LPGAT1: variants seen among roughly 807,000 people sequenced by gnomAD.
LPGAT1 encodes acyl-CoA:lysophosphatidylglycerol acyltransferase 1.
In LPGAT1, 11 loss-of-function variants were observed where a neutral mutation model predicts 47.5. The observed-to-expected ratio is 0.23, with a 90% CI of 0.15 to 0.38. The LOEUF (loss-of-function observed/expected upper bound fraction) is 0.38. Ranked by LOEUF, LPGAT1 falls within the 10% of genes least tolerant of loss-of-function variation. The pLI, the probability that LPGAT1 is intolerant of heterozygous loss-of-function variation, is 1.00. For missense variants in LPGAT1, 293 were observed against 439.0 expected, an observed-to-expected ratio of 0.67 and a Z score of 2.97; for synonymous variants, 138 against 144.2, an observed-to-expected ratio of 0.96 and a Z score of 0.31.
At chr1:211,751,188 G>T in intron 6 of LPGAT1, 121 bp from the exon 7 acceptor site, 2 of 654,514 alleles carry the variant, frequency 3.1e-6, no homozygotes, top group South Asian at 2.3e-5. Context: ...CTTTAACAAG[G>T]GTTGGTTTCT....
chr1:211,787,478 ACT>A (rs1420112161), intron 4 of LPGAT1, among the ~76,000 whole-genome samples, 152 bp downstream of exon 4: 3 of 137,112 alleles, frequency 2.2e-5, no homozygotes, highest in African/African-American at 8.4e-5. Flanking sequence ...ACAGAGCGAG[ACT>A]CTGTCTCTCA....
chr1:211,823,705 A>G (rs1660441551), intron 2 of LPGAT1, among the ~76,000 whole-genome samples: 1 of 152,162 alleles, frequency 6.6e-6, no homozygotes, highest in Admixed American at 6.5e-5. Flanking sequence ...TCAGAGGTCA[A>G]GGAAGGAGGA....
At chr1:211,829,452 C>T in intron 1 of LPGAT1, 129 bp from the exon 2 acceptor site, 1 of 1,453,188 alleles carries the variant, frequency 6.9e-7, no homozygotes, top group Non-Finnish European at 9.0e-7. Context: ...TGTAGTACCT[C>T]GGTGATCTCT....
At chr1:211,759,132 A>G (rs779239400) in intron 6 of LPGAT1, among the ~76,000 whole-genome samples, 17 of 152,216 alleles carry the variant, frequency 1.1e-4, no homozygotes, top group Non-Finnish European at 1.8e-4. Flanking sequence ...CTGCCTGTAA[A>G]TTTTCCTTTC....
intron 4 of LPGAT1, among the ~76,000 whole-genome samples, chr1:211,785,450 C>A (rs942518882): frequency 6.6e-6 from 1 of 152,080 alleles, no homozygotes; most frequent in African/African-American, 2.4e-5. Flanking sequence ...GGGAAAAACA[C>A]GTTGCTCTTT....
chr1:211,813,054 A>G (rs1660046458), intron 2 of LPGAT1, among the ~76,000 whole-genome samples: 1 of 152,246 alleles, frequency 6.6e-6, no homozygotes, highest in South Asian at 2.1e-4. Context: ...CCAAAGGTAA[A>G]AGAACTACCA....
chr1:211,809,802 T>C (rs1040917017), intron 2 of LPGAT1, among the ~76,000 whole-genome samples: 1 of 152,164 alleles, frequency 6.6e-6, no homozygotes, highest in African/African-American at 2.4e-5. Flanking sequence ...CCTCTTTCCT[T>C]TATAAATTAC....
At position 211,783,521 on chromosome 1, in the gene LPGAT1, C is replaced by T. The variant is rs370826685; in HGVS notation, c.454-19G>A. 1.5e-5 allele frequency: 24 copies of T among 1,603,684 alleles called. No individual in the cohort carries two copies. Among genetic ancestry groups the T allele is most frequent in the South Asian group, 2.2e-5 (2 of 90,354 alleles). On this transcript the variant is annotated intron_variant, in intron 4 of 7. Transcript: ENST00000366997. ...ATCTTCCCTAGAAGGTACACACACA[C>T]GTAATAAGTACAGGTATATCCAAAA... is the stretch of plus-strand genomic sequence containing the variant.
chr1:211,764,188 AT>A (rs1310134303), intron 6 of LPGAT1, among the ~76,000 whole-genome samples: 1 of 151,736 alleles, frequency 6.6e-6, no homozygotes, highest in African/African-American at 2.4e-5. Flanking sequence ...AAAAAAAAAA[AT>A]CCTTCTCAGT....
chr1:211,799,163 A>C (rs1449976777), intron 2 of LPGAT1, among the ~76,000 whole-genome samples: 1 of 151,982 alleles, frequency 6.6e-6, no homozygotes, highest in East Asian at 1.9e-4. Flanking sequence ...TGTCCCTTTG[A>C]CTCTTAAATT....
At chr1:211,822,478 C>T (rs994815503) in intron 2 of LPGAT1, among the ~76,000 whole-genome samples, 1 of 151,994 alleles carries the variant, frequency 6.6e-6, no homozygotes, top group Non-Finnish European at 1.5e-5. Flanking sequence ...CCTGGATTTA[C>T]GTCAAGATCA....
chr1:211,765,208 A>C (rs978978044), intron 6 of LPGAT1, among the ~76,000 whole-genome samples: 2 of 152,188 alleles, frequency 1.3e-5, no homozygotes, highest in African/African-American at 2.4e-5. Context: ...ACTCAAAGAA[A>C]AGTTGTAAAA....
At position 211,810,437 on chromosome 1, in the gene LPGAT1, T is replaced by G. The variant is rs934852361; in HGVS notation, c.239-17247A>C. ...CTTTCCAGTCAACAGATGTATGCCCTGGAGTACAGATAGACTGGAATCTTG... is the reference window on the plus strand; with the variant it reads ...CTTTCCAGTCAACAGATGTATGCCCGGGAGTACAGATAGACTGGAATCTTG... On this transcript the variant is annotated intron_variant, in intron 2 of 7. Coordinates refer to ENST00000366997, the MANE Select transcript of LPGAT1 (RefSeq NM_014873.3). Among the ~76,000 whole-genome samples, 58 of 152,188 alleles carry G rather than the reference T, an allele frequency of 3.8e-4. 1 individual carries two copies. Among genetic ancestry groups the G allele is most frequent in the African/African-American group, 1.4e-3 (57 of 41,454 alleles).
intron 6 of LPGAT1, among the ~76,000 whole-genome samples, chr1:211,770,784 T>C (rs918017926): frequency 1.6e-4 from 24 of 152,158 alleles, no homozygotes; most frequent in Non-Finnish European, 3.2e-4. Context: ...CCATATATAG[T>C]AGGCGTATCA....
intron 6 of LPGAT1, among the ~76,000 whole-genome samples, chr1:211,754,042 A>G (rs1657327696): frequency 6.6e-6 from 1 of 152,188 alleles, no homozygotes. Context: ...AGGGCTGGGA[A>G]TCTTAGCACT....
chr1:211,808,124 T>C (rs980124729), intron 2 of LPGAT1, among the ~76,000 whole-genome samples: 5 of 151,986 alleles, frequency 3.3e-5, no homozygotes, highest in Non-Finnish European at 5.9e-5. Flanking sequence ...GGCAGGCAGA[T>C]CACTTGAGGT....
chr1:211,825,293 G>A (rs148696348), intron 2 of LPGAT1, among the ~76,000 whole-genome samples: 1,557 of 138,756 alleles, frequency 0.011, 20 homozygotes, highest in African/African-American at 0.037. Flanking sequence ...CTGGGCTCAT[G>A]TGATTCTCCC....
At chr1:211,770,086 C>T (rs77665266) in intron 6 of LPGAT1, among the ~76,000 whole-genome samples, 3,571 of 152,214 alleles carry the variant, frequency 0.023, 63 homozygotes, top group Non-Finnish European at 0.03. Context: ...ATTTTTAATG[C>T]TCTCATAACA....
chr1:211,793,694 A>G (rs1352860515), intron 2 of LPGAT1, among the ~76,000 whole-genome samples: 1 of 152,144 alleles, frequency 6.6e-6, no homozygotes, highest in East Asian at 1.9e-4. Context: ...TGGCCTCCCA[A>G]AGTGCTGAGA....
Sources: allele counts gnomAD v4.1 joint callset (sites outside exome capture counted in the v4.1 genomes callset), GRCh38; gene constraint gnomAD v4.1.1; transcripts MANE v1.5; gene names NCBI Gene and HGNC (gene_info 2026-07-23, HGNC 2026-07-21).